LRP5: variants seen among roughly 807,000 people sequenced by gnomAD.
LRP5 encodes low-density lipoprotein receptor-related protein 5.
In LRP5, 62 loss-of-function variants were observed where a neutral mutation model predicts 154.1. That is an observed-to-expected ratio of 0.40 (90% CI 0.33 to 0.50). LRP5 has a LOEUF of 0.50. LRP5 is among the 20% of genes least tolerant of loss of function. The pLI, the probability that LRP5 is intolerant of heterozygous loss-of-function variation, is 0.55. For synonymous variants in LRP5, 966 were observed against 1,011.5 expected, an observed-to-expected ratio of 0.96 and a Z score of 0.85; for missense variants, 1,915 against 2,336.7, an observed-to-expected ratio of 0.82 and a Z score of 3.72.
At chr11:68,330,031 T>G (rs2098601837) in intron 1 of LRP5, among the ~76,000 whole-genome samples, 1 of 152,224 alleles carries the variant, frequency 6.6e-6, no homozygotes, top group Admixed American at 6.5e-5. Context: ...TTTGCAGACA[T>G]CAATCAAATG....
intron 1 of LRP5, among the ~76,000 whole-genome samples, chr11:68,332,754 G>A (rs1308540071): frequency 6.6e-6 from 1 of 152,162 alleles, no homozygotes; most frequent in African/African-American, 2.4e-5. Flanking sequence ...TGGGGTAGAT[G>A]GGAGAGACCT....
At chr11:68,441,883 A>T (rs1403925646) in intron 21 of LRP5, among the ~76,000 whole-genome samples, 11 of 152,246 alleles carry the variant, frequency 7.2e-5, no homozygotes, top group Admixed American at 7.2e-4. Flanking sequence ...CTCTGCATGA[A>T]GCCAGCTGTT....
At chr11:68,364,117 G>A (rs1371613677) in intron 4 of LRP5, among the ~76,000 whole-genome samples, 174 bp downstream of exon 4, 4 of 151,664 alleles carry the variant, frequency 2.6e-5, no homozygotes, top group Non-Finnish European at 4.4e-5. Context: ...CCTCTCTAAA[G>A]GGGTACCTGC....
chr11:68,432,877 G>A (rs1047660046), intron 17 of LRP5, among the ~76,000 whole-genome samples: 2 of 152,226 alleles, frequency 1.3e-5, no homozygotes, highest in South Asian at 2.1e-4. Context: ...CACTGAGGAC[G>A]TGGAGCCCCG....
chr11:68,315,911 C>G (rs2098593042), intron 1 of LRP5, among the ~76,000 whole-genome samples: 1 of 152,068 alleles, frequency 6.6e-6, no homozygotes, highest in Admixed American at 6.5e-5. Flanking sequence ...CAGATCTTTC[C>G]TAGGTGAAAG....
intron 17 of LRP5, among the ~76,000 whole-genome samples, chr11:68,431,886 G>A (rs1425253268): frequency 6.6e-6 from 1 of 151,918 alleles, no homozygotes; most frequent in African/African-American, 2.4e-5. Flanking sequence ...CTGGGCCCTG[G>A]CCCTCCTGGC....
At chr11:68,399,126 G>T (rs771903429) in intron 7 of LRP5, among the ~76,000 whole-genome samples, 1 of 151,918 alleles carries the variant, frequency 6.6e-6, no homozygotes, top group Non-Finnish European at 1.5e-5. Flanking sequence ...TTTGAGGCTG[G>T]GCTCAAGTGA....
chr11:68,308,523 C>T (rs1204204253), upstream of LRP5, among the ~76,000 whole-genome samples: 1 of 152,174 alleles, frequency 6.6e-6, no homozygotes, highest in African/African-American at 2.4e-5. Context: ...TGACAGGCAA[C>T]CGTCTGGGGA....
At chr11:68,365,183 G>A (rs1453865368) in intron 4 of LRP5, among the ~76,000 whole-genome samples, 2 of 152,334 alleles carry the variant, frequency 1.3e-5, no homozygotes, top group South Asian at 2.1e-4. Flanking sequence ...AGCGTGGGGG[G>A]CAGCCTTTGC....
chr11:68,303,982 G>C, the LRP5 span, among the ~76,000 whole-genome samples: 1 of 152,240 alleles, frequency 6.6e-6, no homozygotes, highest in East Asian at 1.9e-4. Context: ...CAGGAGAGGA[G>C]TTCAAGCCGG....
intron 2 of LRP5, among the ~76,000 whole-genome samples, chr11:68,350,896 G>A (rs1299281553): frequency 1.3e-5 from 2 of 152,184 alleles, no homozygotes; most frequent in Admixed American, 6.5e-5. Flanking sequence ...GTGAGCGTGT[G>A]TGTGTGTGTG....
chr11:68,322,836 C>T (rs2098597460), intron 1 of LRP5, among the ~76,000 whole-genome samples: 2 of 143,810 alleles, frequency 1.4e-5, no homozygotes, highest in Admixed American at 1.4e-4. Context: ...GTGAGGACCC[C>T]CATGGTCCTG....
upstream of LRP5, among the ~76,000 whole-genome samples, chr11:68,310,836 G>GA (rs2098587303): frequency 6.6e-6 from 1 of 151,912 alleles, no homozygotes; most frequent in African/African-American, 2.4e-5. Context: ...TGGTGTGTTT[G>GA]AGAACCCACA....
At chr11:68,438,750 G>A in intron 20 of LRP5, 68 bp downstream of exon 20, 1 of 1,428,846 alleles carries the variant, frequency 7.0e-7, no homozygotes, top group Admixed American at 1.7e-5. Flanking sequence ...TTTGGGGAGT[G>A]GAGCAGGGAT....
At position 68,321,058 on chromosome 11, in the gene LRP5, G is replaced by GTTTTTT. The variant is rs36049256; in HGVS notation, c.91+8270_91+8275dup. 1.3e-3 allele frequency among the ~76,000 whole-genome samples: 159 copies of GTTTTTT among 119,762 alleles called. 1 individual carries two copies. The highest frequency in any genetic ancestry group is 5.2e-3 in the Middle Eastern group (1 of 192). 78.6% of individuals were successfully genotyped at this position (119,762 alleles called of 152,430 possible). ...TACATTCAGACATTATTCTGTCTGGGTTTTTTTTTTTTTTTTTTTTTTGTA... is the reference window on the plus strand; with the variant it reads ...TACATTCAGACATTATTCTGTCTGGGTTTTTTTTTTTTTTTTTTTTTTTTTTTTGTA... On this transcript the variant is annotated intron_variant, in intron 1 of 22. Coordinates refer to ENST00000294304, the MANE Select transcript of LRP5 (RefSeq NM_002335.4).
At chr11:68,371,037 C>T (rs973745312) in intron 5 of LRP5, among the ~76,000 whole-genome samples, 2 of 152,140 alleles carry the variant, frequency 1.3e-5, no homozygotes, top group Admixed American at 6.6e-5. Flanking sequence ...GGGCCCCACC[C>T]GCTTCCCGTT....
chr11:68,433,503 T>G, intron 17 of LRP5, 99 bp from the exon 18 acceptor site: 1 of 1,067,122 alleles, frequency 9.4e-7, no homozygotes, highest in Non-Finnish European at 1.4e-6. Context: ...AAACCCGCGC[T>G]GAGTCCCTCT....
At chr11:68,363,515 G>T (rs1474160614) in intron 3 of LRP5, among the ~76,000 whole-genome samples, 1 of 152,048 alleles carries the variant, frequency 6.6e-6, no homozygotes, top group East Asian at 1.9e-4. Flanking sequence ...AAATCATCTG[G>T]GCGTAGTGGT....
rs559529632 is a variant in LRP5, at chr11:68,438,369, G to A, written c.4112-77G>A. The A allele has an allele frequency of 2.7e-5, 36 of 1,336,960 alleles. No homozygotes were observed. In the African/African-American group the frequency reaches 3.6e-4, roughly 13 times the overall value. 82.8% of individuals were successfully genotyped at this position (1,336,960 alleles called of 1,614,324 possible). On this transcript the variant is annotated intron_variant, in intron 19 of 22. Coordinates refer to ENST00000294304, the MANE Select transcript of LRP5 (RefSeq NM_002335.4). ...GTGGCAAAGCCAGCCCCTTCAGGGCGCACGGTGTCTGCCCCCAAGGAGGGC... is the reference window on the plus strand; with the variant it reads ...GTGGCAAAGCCAGCCCCTTCAGGGCACACGGTGTCTGCCCCCAAGGAGGGC...
Sources: gnomAD v4.1 joint callset for allele counts (sites outside exome capture counted in the v4.1 genomes callset) on GRCh38, gnomAD v4.1.1 for gene constraint, MANE v1.5 for transcripts, NCBI Gene and HGNC (gene_info 2026-07-23, HGNC 2026-07-21) for gene names.